The following CYP11B1 variants were observed in gnomAD, a reference collection of about 807,000 sequenced individuals.
The protein encoded by CYP11B1 is cytochrome P450 family 11 subfamily B member 1.
A neutral mutation model predicts 48.3 loss-of-function variants in CYP11B1; 34 were observed. The ratio of observed to expected loss-of-function variants is 0.70; its 90% CI spans 0.54 to 0.94. The LOEUF is 0.94. Among genes scored for constraint, CYP11B1 ranks in the 40% least tolerant of loss-of-function variants. CYP11B1 has a pLI of 0.00. For missense variants in CYP11B1, 688 were observed against 657.4 expected, an observed-to-expected ratio of 1.05 and a Z score of -0.51; for synonymous variants, 291 against 262.5, an observed-to-expected ratio of 1.11 and a Z score of -1.05.
At chr8:142,876,917 C>T in intron 3 of CYP11B1, 32 bp from the exon 4 acceptor site, 2 of 1,613,866 alleles carry the variant, frequency 1.2e-6, no homozygotes, top group African/African-American at 1.3e-5. Context: ...GAGCACAAGG[C>T]AGCCCCGGGC....
chr8:142,875,648 A>G, intron 6 of CYP11B1, 64 bp downstream of exon 6: 1 of 1,586,674 alleles, frequency 6.3e-7, no homozygotes, highest in Non-Finnish European at 8.6e-7. Flanking sequence ...GTCTGCCACC[A>G]CCCAGTGGGG....
chr8:142,876,128 G>A (rs866826540), intron 5 of CYP11B1, 113 bp downstream of exon 5: 73 of 1,437,740 alleles, frequency 5.1e-5, no homozygotes, highest in Middle Eastern at 1.8e-4. Context: ...TAAGAAATGT[G>A]GGGCCCATAG....
chr8:142,875,788 C>T lies in CYP11B1; in HGVS notation c.1045G>A (p.Ala349Thr), dbSNP rs1244368076. The T allele has an allele frequency of 6.2e-7, 1 of 1,613,952 alleles. No homozygotes were observed. Among genetic ancestry groups the T allele is most frequent in the East Asian group, 2.2e-5 (1 of 44,870 alleles). The change falls in exon 6 of 9, where the codon GCC becomes ACC. Residue 349 changes from alanine to threonine, a missense_variant. By Grantham distance (58) the Ala-to-Thr change is moderately conservative. Transcript: ENST00000292427. ...TTCTGGGGATGTTCACTGATGCTGG[C>T]TGCGGCGGCCAGGCTCTCCTGGCGC... Reference protein sequence around the residue: ...ALRQESLAAAASISEHPQKAT... With the variant: ...ALRQESLAAATSISEHPQKAT...
In CYP11B1 at chr8:142,875,481, A is replaced by G. The variant is rs1348156252; in HGVS notation, c.1122-169T>C. On this transcript the variant is annotated intron_variant, in intron 6 of 8. Transcript: ENST00000292427. The stretch of plus-strand genomic sequence containing the variant: ...AGCCCGGCCAAACCTCCCCTAACTT[A>G]AGCAGCCCCGAGCGCAGAAGGACAT... The G allele has an allele frequency of 1.1e-4, 119 of 1,088,798 alleles. No individual in the cohort carries two copies. The African/African-American group carries it at 1.5e-3, about 14-fold the overall frequency. The allele number at this position is 1,088,798 out of a possible 1,614,324, so 67.4% of individuals were successfully genotyped here.
chr8:142,879,567 G>T lies in CYP11B1; in HGVS notation c.239+8C>A, dbSNP rs1267609988. On this transcript the variant is annotated splice_region_variant and intron_variant, in intron 1 of 8. Transcript: ENST00000292427. ...GGTGTTCCCAGCGAGGGCCAGGGAG[G>T]GCTTTACCTGAAAATGGGCCCTAGT... is the stretch of plus-strand genomic sequence containing the variant. 2 of 1,614,202 alleles carry T rather than the reference G, an allele frequency of 1.2e-6. No homozygotes were observed. Among genetic ancestry groups the T allele is most frequent in the Non-Finnish European group, 1.7e-6 (2 of 1,180,022 alleles).
intron 2 of CYP11B1, 86 bp downstream of exon 2, chr8:142,878,946 A>G: frequency 1.3e-6 from 2 of 1,561,212 alleles, no homozygotes; most frequent in Non-Finnish European, 1.7e-6. Flanking sequence ...GGCCCAGGGC[A>G]GATGTGCTTT....
intron 1 of CYP11B1, 131 bp downstream of exon 1, chr8:142,879,444 C>A: frequency 1.2e-6 from 2 of 1,613,714 alleles, no homozygotes; most frequent in Non-Finnish European, 8.5e-7. Context: ...GTGCTGCACT[C>A]CTTCCCCATC....
rs200473174 is a variant in CYP11B1, at chr8:142,876,402, G to C, written c.800-7C>G. ...TTCTGGATACAGTTGTCGCCTATCC[G>C]GGGAGCGGGAGGCAGCCCTCAGACT... On this transcript the variant is annotated splice_polypyrimidine_tract_variant and splice_region_variant and intron_variant, in intron 4 of 8. Coordinates refer to ENST00000292427, the MANE Select transcript of CYP11B1 (RefSeq NM_000497.4). The C allele has an allele frequency of 6.2e-7, 1 of 1,612,334 alleles. No homozygotes were observed. The highest frequency in any genetic ancestry group is 1.1e-5 in the South Asian group (1 of 90,644).
rs753712322 is a variant in CYP11B1, at chr8:142,879,775, C to A, written c.39G>T (p.Val13=). 4 of 1,614,036 alleles carry A rather than the reference C, an allele frequency of 2.5e-6. No individual in the cohort carries two copies. The Admixed American group carries it at 6.7e-5, about 27-fold the overall frequency. The change falls in exon 1 of 9, where the codon GTG becomes GTT. Residue 13 remains valine (V), a synonymous_variant. Coordinates refer to ENST00000292427, the MANE Select transcript of CYP11B1 (RefSeq NM_000497.4). ...GTGCCCTTTGCAGGGACAGCCAGGG[C>A]ACTGCCATGCACACCTCTGCCTTTG... is the stretch of plus-strand genomic sequence containing the variant. ...LRAKAEVCMA[V]PWLSLQRAQA...
Position 142,877,032 on chromosome 8 carries a change from T to A in CYP11B1, c.586A>T (p.Thr196Ser), listed in dbSNP as rs1157965342. 6.2e-7 allele frequency: 1 copy of A among 1,613,284 alleles called. No homozygotes were observed. Among genetic ancestry groups the A allele is most frequent in the African/African-American group, 1.3e-5 (1 of 74,846 alleles). The part of the protein sequence containing the change: ...LDVQPSIFHY[T>S]IEASNLALFG... ...CCCACGTGGCCCACACCTTCTATGG[T>A]GTAGTGGAAGATGCTGGGCTGGACG... Residue 196 changes from threonine (T) to serine (S), a missense_variant, in exon 3 of 9, where the codon ACC becomes TCC. Transcript: ENST00000292427.
At position 142,873,384 on chromosome 8, in the gene CYP11B1, G is replaced by A. The variant is rs992332262; in HGVS notation, c.*989C>T. On this transcript the variant is annotated 3_prime_UTR_variant, in exon 9 of 9. Transcript: ENST00000292427. ...ACTGGGGAGTGGCCAGTTCAGGAGG[G>A]GTCAACTCTCTCTGCTGGGCTAGGA... The A allele has an allele frequency of 9.9e-5, 15 of 152,184 alleles. No homozygotes were observed. Among genetic ancestry groups the A allele is most frequent in the African/African-American group, 3.6e-4 (15 of 41,420 alleles). 9.4% of individuals were successfully genotyped at this position (152,184 alleles called of 1,614,324 possible).
Position 142,877,771 on chromosome 8 carries a change from C to T in CYP11B1, c.396-549G>A, listed in dbSNP as rs746170316. The T allele has an allele frequency of 2.4e-5, 39 of 1,597,604 alleles. No individual in the cohort carries two copies. In the Admixed American group the frequency reaches 3.2e-4, roughly 13 times the overall value. ...GCCATCCTCACCTACAGCCAGAGTG[C>T]GTGGGGGCTCCATGGATGCCCCCAG... is the stretch of plus-strand genomic sequence containing the variant. On this transcript the variant is annotated intron_variant, in intron 2 of 8. Transcript: ENST00000292427.
rs1246819966 is a variant in CYP11B1 at position 142,875,088 on chromosome 8, A to G, written c.1267T>C (p.Tyr423His). The G allele has an allele frequency of 1.2e-6, 2 of 1,614,262 alleles. No homozygotes were observed. Among genetic ancestry groups the G allele is most frequent in the Middle Eastern group, 3.3e-4 (2 of 6,062 alleles). The change falls in exon 8 of 9, where the codon TAT becomes CAT. Residue 423 changes from tyrosine (Y) to histidine (H), a missense_variant. Transcript: ENST00000292427. ...NPALFPRPER[Y>H]NPQRWLDIRG... ...ATGTCTAGCCAGCGCTGGGGGTTAT[A>G]GCGCTCAGGCCTCGGGAACAAGGCG...
chr8:142,878,234 G>A (rs1429840995), intron 2 of CYP11B1, among the ~76,000 whole-genome samples: 12 of 152,110 alleles, frequency 7.9e-5, no homozygotes, highest in East Asian at 1.9e-4. Flanking sequence ...CCCAGATGTC[G>A]TCTGTAGGCC....
rs773886880 is a variant in CYP11B1, at chr8:142,879,624, G to A, written c.190C>T (p.Leu64=). The change falls in exon 1 of 9, where the codon CTG becomes TTG. Residue 64 remains leucine (L), a synonymous_variant. Coordinates refer to ENST00000292427, the MANE Select transcript of CYP11B1 (RefSeq NM_000497.4). ...QIWREQGYED[L]HLEVHQTFQE... is the part of the protein sequence containing the mutation. Reference sequence around the variant, plus strand: ...AAGGTCTGGTGTACTTCCAGGTGCAGGTCCTCATAACCCTGCTCCCTCCAG... The same window carrying A: ...AAGGTCTGGTGTACTTCCAGGTGCAAGTCCTCATAACCCTGCTCCCTCCAG... 2.0e-5 allele frequency: 32 copies of A among 1,614,228 alleles called. No individual in the cohort carries two copies. The highest frequency in any genetic ancestry group is 2.7e-5 in the Non-Finnish European group (32 of 1,180,040).
chr8:142,876,196 G>A (rs1254910964), intron 5 of CYP11B1, 45 bp downstream of exon 5: 2 of 1,613,626 alleles, frequency 1.2e-6, no homozygotes, highest in Non-Finnish European at 1.7e-6. Context: ...CTGGGAGGCA[G>A]GCTTGGCATC....
intron 2 of CYP11B1, chr8:142,877,975 C>T (rs1229694774): frequency 1.5e-6 from 1 of 664,400 alleles, no homozygotes. Context: ...TACACATGTG[C>T]ACAGACACTA....
chr8:142,873,353 G>A lies in CYP11B1; in HGVS notation c.*1020C>T, dbSNP rs5017238. The stretch of plus-strand genomic sequence containing the variant: ...AACTGGGTGCTTCCTCTCCCTGCAC[G>A]GGAGCACTGGGGAGTGGCCAGTTCA... On this transcript the variant is annotated 3_prime_UTR_variant, in exon 9 of 9. Coordinates refer to ENST00000292427, the MANE Select transcript of CYP11B1 (RefSeq NM_000497.4). The A allele has an allele frequency of 0.61, 93,462 of 152,166 alleles. 29,013 individuals are homozygous for A. Among genetic ancestry groups the A allele is most frequent in the East Asian group, 0.85 (4,386 of 5,174 alleles). 9.4% of individuals were successfully genotyped at this position (152,166 alleles called of 1,614,324 possible). A position where few individuals can be genotyped will look rare whatever the true frequency, so the allele number is the denominator to read the frequency against.
Position 142,876,926 on chromosome 8 carries a change from G to A in CYP11B1, c.596-41C>T, listed in dbSNP as rs113759408. On this transcript the variant is annotated intron_variant, in intron 3 of 8. Transcript: ENST00000292427. ...ACTGCTGAGCACAAGGCAGCCCCGG[G>A]CCTCCTGGCTGCCTCCCCACACTCC... 146,322 of 1,488,076 alleles carry A rather than the reference G, an allele frequency of 0.098. 8,420 individuals carry two copies. The highest frequency in any genetic ancestry group is 0.29 in the African/African-American group (21,319 of 73,124). 92.2% of individuals were successfully genotyped at this position (1,488,076 alleles called of 1,614,324 possible).
Sources: allele counts gnomAD v4.1 joint callset (sites outside exome capture counted in the v4.1 genomes callset), GRCh38; gene constraint gnomAD v4.1.1; transcripts MANE v1.5; gene names NCBI Gene and HGNC (gene_info 2026-07-23, HGNC 2026-07-21).